The following UNC13C variants were observed in gnomAD, a reference collection of about 807,000 sequenced individuals.
The protein encoded by UNC13C is unc-13 homolog C.
In UNC13C, 174 loss-of-function variants were observed where a neutral mutation model predicts 245.4. The observed-to-expected ratio is 0.71, with a 90% CI of 0.63 to 0.80. The LOEUF (loss-of-function observed/expected upper bound fraction) is 0.80, where lower values mean the gene tolerates loss of function less well. Among genes scored for constraint, UNC13C ranks in the 30% least tolerant of loss-of-function variants. UNC13C has a pLI of 0.00. For missense variants in UNC13C, 2,829 were observed against 2,602.9 expected (o/e 1.09, Z -1.89); for synonymous variants, 992 against 895.1 (o/e 1.11, Z -1.93).
chr15:54,096,470 C>A (rs918421088), intron 2 of UNC13C, among the ~76,000 whole-genome samples: 1 of 152,136 alleles, frequency 6.6e-6, no homozygotes, highest in African/African-American at 2.4e-5. Context: ...TTCCCCTTAA[C>A]AGCAAAACTT....
chr15:54,577,861 G>T (rs187573152), intron 30 of UNC13C, among the ~76,000 whole-genome samples: 40 of 152,094 alleles, frequency 2.6e-4, no homozygotes, highest in Admixed American at 2.0e-3. Flanking sequence ...TTAGAGTTTT[G>T]CCAGGTTTTC....
the UNC13C span, among the ~76,000 whole-genome samples, chr15:53,882,526 C>A: frequency 1.7e-4 from 26 of 152,102 alleles, no homozygotes; most frequent in African/African-American, 5.8e-4. Context: ...CATTGGCAAG[C>A]CTTGATGACT....
At chr15:54,272,636 TC>T (rs1293186830) in intron 10 of UNC13C, among the ~76,000 whole-genome samples, 1 of 152,196 alleles carries the variant, frequency 6.6e-6, no homozygotes. Flanking sequence ...CTCTTTTTTT[TC>T]TAATCATTGC....
At chr15:54,614,845 T>C (rs1566940613) in intron 30 of UNC13C, among the ~76,000 whole-genome samples, 1 of 152,072 alleles carries the variant, frequency 6.6e-6, no homozygotes, top group Non-Finnish European at 1.5e-5. Context: ...AATGCAATTC[T>C]TCTAAAAATT....
rs182751704 is a variant in UNC13C at position 54,371,611 on chromosome 15, C to T, written c.4714-21437C>T. Reference sequence around the variant, plus strand: ...TTAAAAGTTTTGCCATTCTGTTTGGCTTCTCCAATCTTATTTCCATGTGTA... The same window carrying T: ...TTAAAAGTTTTGCCATTCTGTTTGGTTTCTCCAATCTTATTTCCATGTGTA... On this transcript the variant is annotated intron_variant, in intron 17 of 32. Coordinates refer to ENST00000260323, the MANE Select transcript of UNC13C (RefSeq NM_001080534.3). 7.9e-5 allele frequency among the ~76,000 whole-genome samples: 12 copies of T among 152,170 alleles called. No individual in the cohort carries two copies. In the East Asian group the frequency reaches 2.3e-3, roughly 29 times the overall value.
chr15:53,975,874 G>A (rs554394766), upstream of UNC13C, among the ~76,000 whole-genome samples: 1 of 152,232 alleles, frequency 6.6e-6, no homozygotes, highest in African/African-American at 2.4e-5. Flanking sequence ...TAAGTTTTGA[G>A]GCATGTACCT....
At chr15:54,351,216 T>C (rs1469369404) in intron 17 of UNC13C, among the ~76,000 whole-genome samples, 1 of 152,190 alleles carries the variant, frequency 6.6e-6, no homozygotes, top group Non-Finnish European at 1.5e-5. Flanking sequence ...TAAAGGGTTC[T>C]TGGCTACTTC....
At chr15:54,508,176 A>G (rs1041982167) in intron 23 of UNC13C, among the ~76,000 whole-genome samples, 4 of 152,028 alleles carry the variant, frequency 2.6e-5, no homozygotes, top group Non-Finnish European at 4.4e-5. Flanking sequence ...CAAGATATTT[A>G]TTTATTGAAA....
chr15:54,378,480 C>T (rs556614881), intron 17 of UNC13C, among the ~76,000 whole-genome samples: 1 of 151,882 alleles, frequency 6.6e-6, no homozygotes, highest in Non-Finnish European at 1.5e-5. Context: ...TCTCTTGGAT[C>T]CTCAGGACCT....
chr15:53,921,661 T>A, the UNC13C span, among the ~76,000 whole-genome samples: 1 of 152,222 alleles, frequency 6.6e-6, no homozygotes, highest in Non-Finnish European at 1.5e-5. Flanking sequence ...AGACTCAAAA[T>A]GCCTGCCCTT....
intron 7 of UNC13C, among the ~76,000 whole-genome samples, chr15:54,248,962 T>C (rs917634455): frequency 6.6e-6 from 1 of 152,224 alleles, no homozygotes; most frequent in African/African-American, 2.4e-5. Context: ...TGGGAAAATA[T>C]TCTGAAATGA....
intron 7 of UNC13C, among the ~76,000 whole-genome samples, chr15:54,247,881 A>AG (rs2036038717): frequency 6.6e-6 from 1 of 152,108 alleles, no homozygotes; most frequent in African/African-American, 2.4e-5. Context: ...CTGTTTATTC[A>AG]GAGCTTTTAC....
chr15:53,939,948 C>G, the UNC13C span, among the ~76,000 whole-genome samples: 1 of 151,892 alleles, frequency 6.6e-6, no homozygotes, highest in Admixed American at 6.6e-5. Flanking sequence ...ATCCTGGGGT[C>G]GTTTGTTGGT....
intron 30 of UNC13C, among the ~76,000 whole-genome samples, chr15:54,620,040 C>T (rs1036648286): frequency 5.3e-5 from 8 of 152,142 alleles, no homozygotes; most frequent in Non-Finnish European, 8.8e-5. Context: ...TTCCTCATTG[C>T]ACTTTAGGGT....
intron 19 of UNC13C, among the ~76,000 whole-genome samples, chr15:54,448,144 T>A (rs1890937349): frequency 6.6e-6 from 1 of 152,194 alleles, no homozygotes; most frequent in African/African-American, 2.4e-5. Context: ...AGAGACAGTT[T>A]GTTATAATTT....
At chr15:54,197,425 T>C (rs1264777913) in intron 4 of UNC13C, among the ~76,000 whole-genome samples, 3 of 150,762 alleles carry the variant, frequency 2.0e-5, no homozygotes, top group Non-Finnish European at 4.4e-5. Context: ...ATCACACCAC[T>C]GCACTACAGC....
chr15:54,148,702 C>T (rs1043230075), intron 4 of UNC13C, among the ~76,000 whole-genome samples: 1 of 152,192 alleles, frequency 6.6e-6, no homozygotes, highest in Non-Finnish European at 1.5e-5. Flanking sequence ...ATCAAGTCCA[C>T]TAATTTGATT....
chr15:54,127,760 ATG>A (rs2031152310), intron 2 of UNC13C, among the ~76,000 whole-genome samples: 1 of 145,804 alleles, frequency 6.9e-6, no homozygotes, highest in Non-Finnish European at 1.5e-5. Flanking sequence ...ATATATATTT[ATG>A]TATAATATAA....
At chr15:54,447,281 C>CTGG (rs1890869810) in intron 19 of UNC13C, among the ~76,000 whole-genome samples, 1 of 152,068 alleles carries the variant, frequency 6.6e-6, no homozygotes, top group Non-Finnish European at 1.5e-5. Context: ...CAGGATGATA[C>CTGG]CTCATAAAAT....
Sources: allele counts gnomAD v4.1 joint callset (sites outside exome capture counted in the v4.1 genomes callset), GRCh38; gene constraint gnomAD v4.1.1; transcripts MANE v1.5; gene names NCBI Gene and HGNC (gene_info 2026-07-23, HGNC 2026-07-21).